The following TNNT2 variants were observed in gnomAD, a reference collection of about 807,000 sequenced individuals.
The protein encoded by TNNT2 is troponin T2, cardiac type, also known as troponin T, cardiac muscle.
TNNT2 carries 34 observed loss-of-function variants against 62.4 expected under a neutral mutation model. That is an observed-to-expected ratio of 0.54 (90% CI 0.41 to 0.72). The LOEUF is 0.72. Ranked by LOEUF, TNNT2 falls within the 30% of genes least tolerant of loss-of-function variation. The probability of loss-of-function intolerance (pLI) is 0.00; values close to 1 mark genes in which losing one functional copy is unlikely to be tolerated. For missense variants in TNNT2, 275 were observed against 381.9 expected (o/e 0.72, Z 2.33); for synonymous variants, 123 against 127.2 (o/e 0.97, Z 0.22).
At position 201,364,382 on chromosome 1, in the gene TNNT2, A is replaced by C; in HGVS notation, c.412-7T>G. The C allele has an allele frequency of 6.2e-7, 1 of 1,611,852 alleles. No individual in the cohort carries two copies. On this transcript the variant is annotated splice_region_variant and splice_polypyrimidine_tract_variant and intron_variant, in intron 10 of 16. Transcript: ENST00000656932. ...GCTCTGCCCGACGTCTCTCCTAAGG[A>C]GAAGAGGCAAAGCCCACCCAGGTGT...
intron 14 of TNNT2, 102 bp downstream of exon 14, chr1:201,361,811 C>A: frequency 9.0e-7 from 1 of 1,112,758 alleles, no homozygotes; most frequent in Non-Finnish European, 1.4e-6. Context: ...ATATGTGAGG[C>A]AGTCCTGCCC....
intron 7 of TNNT2, 153 bp from the exon 8 acceptor site, chr1:201,367,024 C>G: frequency 7.6e-7 from 1 of 1,315,562 alleles, no homozygotes; most frequent in South Asian, 1.2e-5. Context: ...CCAGAAGCAT[C>G]CAGGAGAATG....
At chr1:201,369,557 C>T (rs1417771468) in intron 5 of TNNT2, among the ~76,000 whole-genome samples, 2 of 152,204 alleles carry the variant, frequency 1.3e-5, no homozygotes, top group Non-Finnish European at 2.9e-5. Flanking sequence ...ACCAGCTAGC[C>T]TTGGTCCCTC....
In TNNT2 at chr1:201,359,660, T is replaced by C; in HGVS notation, c.814A>G (p.Asn272Asp). 1 of 1,591,336 alleles carries C rather than the reference T, an allele frequency of 6.3e-7. No individual in the cohort carries two copies. The highest frequency in any genetic ancestry group is 8.6e-7 in the Non-Finnish European group (1 of 1,166,806). ...EKFKQQKYEI[N>D]VLRNRINDNQ... Reference sequence around the variant, plus strand: ...TCGTTGATCCTGTTTCGGAGAACATTGATCTGCAAGAAAAGTGGGAAGGAC... The same window carrying C: ...TCGTTGATCCTGTTTCGGAGAACATCGATCTGCAAGAAAAGTGGGAAGGAC... Residue 272 changes from asparagine (N) to aspartate (D), a missense_variant, in exon 16 of 17, where the codon AAT (asparagine) becomes GAT (aspartate). By Grantham distance (23) the Asn-to-Asp change is conservative (BLOSUM62 1). Transcript: ENST00000656932.
Position 201,360,716 on chromosome 1 carries a change from C to T in TNNT2, c.810+563G>A, listed in dbSNP as rs3767547. 7.2e-4 allele frequency: 113 copies of T among 156,798 alleles called. 1 individual carries two copies. The East Asian group carries it at 0.018, about 25-fold the overall frequency. The allele number at this position is 156,798 out of a possible 1,614,324, so 9.7% of individuals were successfully genotyped here. On this transcript the variant is annotated intron_variant, in intron 15 of 16. Transcript: ENST00000656932. Reference sequence around the variant, plus strand: ...GCAAAGAGGCCCTGGGACCGGGGCTCGGGGGTGGTGGGTAAGGAAGGACTG... The same window carrying T: ...GCAAAGAGGCCCTGGGACCGGGGCTTGGGGGTGGTGGGTAAGGAAGGACTG...
chr1:201,361,394 G>A, intron 14 of TNNT2, 25 bp from the exon 15 acceptor site: 1 of 1,607,160 alleles, frequency 6.2e-7, no homozygotes, highest in South Asian at 1.1e-5. Context: ...GTGAGAATGG[G>A]GAGGTCCAGT....
chr1:201,359,346 A>AGAG lies in TNNT2; in HGVS notation c.852-94_852-92dup, dbSNP rs1658163623. 14 of 1,506,356 alleles carry AGAG rather than the reference A, an allele frequency of 9.3e-6. No homozygotes were observed. The South Asian group carries it at 1.7e-4, about 18-fold the overall frequency. The allele number at this position is 1,506,356 out of a possible 1,614,324, so 93.3% of individuals were successfully genotyped here. On this transcript the variant is annotated intron_variant, in intron 16 of 16. Transcript: ENST00000656932. Reference sequence around the variant, plus strand: ...GGGTAGGACTGGGGTGCCAAAGGGGAGAGGAGCAGGCTGGAGCTGCCTCCA... The same window carrying AGAG: ...GGGTAGGACTGGGGTGCCAAAGGGGAGAGGAGGAGCAGGCTGGAGCTGCCTCCA...
intron 1 of TNNT2, chr1:201,375,409 T>C (rs1018222984): frequency 2.6e-5 from 4 of 152,144 alleles, no homozygotes; most frequent in Admixed American, 1.3e-4. Flanking sequence ...AGGAGCCTTG[T>C]TTACAAGGAG....
chr1:201,365,820 A>G (rs1462799746), intron 8 of TNNT2, 150 bp from the exon 9 acceptor site: 2 of 1,528,374 alleles, frequency 1.3e-6, no homozygotes, highest in Admixed American at 2.0e-5. Context: ...GACGTCAACA[A>G]TGGCAGTCCT....
chr1:201,375,428 C>T (rs528462093), intron 1 of TNNT2: 5 of 152,252 alleles, frequency 3.3e-5, no homozygotes, highest in Admixed American at 6.5e-5. Flanking sequence ...AGCTCTGAAC[C>T]GCAGCTCTGA....
At chr1:201,364,098 G>C in intron 11 of TNNT2, 200 bp downstream of exon 11, 1 of 589,210 alleles carries the variant, frequency 1.7e-6, no homozygotes, top group Non-Finnish European at 3.0e-6. Flanking sequence ...TGGTCAGGAT[G>C]GTCTCGAACT....
intron 16 of TNNT2, 29 bp from the exon 17 acceptor site, chr1:201,359,284 G>A: frequency 2.5e-6 from 4 of 1,607,458 alleles, no homozygotes; most frequent in Non-Finnish European, 3.4e-6. Flanking sequence ...GCAGTGACAT[G>A]GAGACACAGG....
At chr1:201,362,530 G>T in intron 12 of TNNT2, 136 bp from the exon 13 acceptor site, 2 of 1,169,362 alleles carry the variant, frequency 1.7e-6, no homozygotes, top group Non-Finnish European at 2.5e-6. Context: ...TAGTCAGCCG[G>T]GTTTACTAGG....
At chr1:201,362,139 C>T in intron 13 of TNNT2, 117 bp from the exon 14 acceptor site, 4 of 1,256,944 alleles carry the variant, frequency 3.2e-6, no homozygotes, top group Non-Finnish European at 3.5e-6. Flanking sequence ...TTCTTATGCT[C>T]TTCTTCCTGC....
intron 16 of TNNT2, 32 bp downstream of exon 16, chr1:201,359,590 GA>G: frequency 6.3e-7 from 1 of 1,590,002 alleles, no homozygotes. Context: ...GGGGCAGGGG[GA>G]GGGCTAGGCG....
At chr1:201,361,068 CG>C (rs1658533687) in intron 15 of TNNT2, 1 of 667,224 alleles carries the variant, frequency 1.5e-6, no homozygotes. Context: ...TCAGCCCCAG[CG>C]AGCTCTCAGA....
chr1:201,376,124 T>C (rs550789469), intron 1 of TNNT2, among the ~76,000 whole-genome samples: 1 of 152,220 alleles, frequency 6.6e-6, no homozygotes, highest in African/African-American at 2.4e-5. Context: ...CACACCCAAG[T>C]CCCACCCACT....
chr1:201,366,578 G>A, intron 8 of TNNT2: 3 of 1,385,724 alleles, frequency 2.2e-6, no homozygotes, highest in South Asian at 1.5e-5. Context: ...TCCGTTCAGG[G>A]CCCTTCCTCT....
intron 8 of TNNT2, chr1:201,366,515 C>A: frequency 1.6e-6 from 2 of 1,232,452 alleles, no homozygotes; most frequent in Non-Finnish European, 2.0e-6. Context: ...TCCCAAGGTC[C>A]CACCTCGGCC....
Sources: allele counts gnomAD v4.1 joint callset (sites outside exome capture counted in the v4.1 genomes callset), GRCh38; gene constraint gnomAD v4.1.1; transcripts MANE v1.5; gene names NCBI Gene and HGNC (gene_info 2026-07-23, HGNC 2026-07-21).